OR2L13: variants seen among roughly 807,000 people sequenced by gnomAD.
OR2L13 encodes olfactory receptor 2L13.
A neutral mutation model predicts 15.3 loss-of-function variants in OR2L13; 14 were observed. The observed-to-expected ratio is 0.91, with a 90% CI of 0.60 to 1.43. OR2L13 has a LOEUF of 1.43. Ranked by LOEUF, OR2L13 falls within the 40% of genes most tolerant of loss-of-function variation. The pLI is 0.00. For synonymous variants in OR2L13, 152 were observed against 142.9 expected (o/e 1.06, Z -0.45); for missense variants, 367 against 387.9 (o/e 0.95, Z 0.45).
chr1:247,944,668 A>T, the OR2L13 span, among the ~76,000 whole-genome samples: 17 of 152,178 alleles, frequency 1.1e-4, no homozygotes, highest in Non-Finnish European at 2.1e-4. Context: ...ATAGTATTCC[A>T]TGGTGTATAC....
At chr1:248,006,998 G>T in the OR2L13 span, among the ~76,000 whole-genome samples, 1 of 152,100 alleles carries the variant, frequency 6.6e-6, no homozygotes, top group African/African-American at 2.4e-5. Context: ...TACTGTTTTT[G>T]TTATTTATTA....
At chr1:247,988,426 C>T in the OR2L13 span, among the ~76,000 whole-genome samples, 2 of 152,046 alleles carry the variant, frequency 1.3e-5, no homozygotes, top group African/African-American at 4.8e-5. Context: ...TTGTGGATTT[C>T]ATAACATATC....
the OR2L13 span, chr1:248,004,056 C>G: frequency 1.2e-6 from 2 of 1,609,018 alleles, no homozygotes; most frequent in Admixed American, 3.4e-5. Flanking sequence ...AGAATCTGCT[C>G]TGTGAAAATG....
chr1:247,956,870 T>C, the OR2L13 span, among the ~76,000 whole-genome samples: 1 of 152,194 alleles, frequency 6.6e-6, no homozygotes, highest in Non-Finnish European at 1.5e-5. Context: ...TTTCTAGATA[T>C]ACAATCATGT....
the OR2L13 span, among the ~76,000 whole-genome samples, chr1:247,985,679 C>G: frequency 2.0e-5 from 3 of 152,142 alleles, no homozygotes; most frequent in Non-Finnish European, 2.9e-5. Flanking sequence ...CCTGAGGAAT[C>G]GCCACACTGA....
chr1:247,980,216 C>T, the OR2L13 span, among the ~76,000 whole-genome samples: 1 of 152,030 alleles, frequency 6.6e-6, no homozygotes, highest in Non-Finnish European at 1.5e-5. Flanking sequence ...TCATTTTTAT[C>T]ATCAATTTTA....
chr1:248,092,521 C>T (rs114618741), upstream of OR2L13, among the ~76,000 whole-genome samples: 1,672 of 152,236 alleles, frequency 0.011, 27 homozygotes, highest in African/African-American at 0.037. Flanking sequence ...ATCTATTTCA[C>T]ATCTGTGGAC....
chr1:248,090,473 T>TTCCCGTCTGTGTGTCCATC (rs1558219421), upstream of OR2L13, among the ~76,000 whole-genome samples: 1 of 151,778 alleles, frequency 6.6e-6, no homozygotes, highest in African/African-American at 2.4e-5. Context: ...CGGTGTCTGT[T>TTCCCGTCTGTGTGTCCATC]GTTCCTGTCT....
At chr1:248,031,436 G>A in the OR2L13 span, among the ~76,000 whole-genome samples, 2 of 152,228 alleles carry the variant, frequency 1.3e-5, no homozygotes, top group Non-Finnish European at 2.9e-5. Flanking sequence ...TTAGCTGAGG[G>A]GAAGCAGGAC....
the OR2L13 span, chr1:248,022,831 A>T: frequency 1.2e-6 from 2 of 1,613,440 alleles, no homozygotes; most frequent in African/African-American, 2.7e-5. Flanking sequence ...AGAAACAAGG[A>T]GGTGATGGGG....
At chr1:247,958,276 G>T in the OR2L13 span, among the ~76,000 whole-genome samples, 3 of 152,142 alleles carry the variant, frequency 2.0e-5, no homozygotes, top group Middle Eastern at 3.4e-3. Flanking sequence ...TAACCCCAAG[G>T]TCTAGTTTGA....
chr1:248,079,556 G>A, the OR2L13 span, among the ~76,000 whole-genome samples: 1 of 152,050 alleles, frequency 6.6e-6, no homozygotes, highest in Non-Finnish European at 1.5e-5. Context: ...ATATCAAAAC[G>A]TTTTATAAGG....
At chr1:248,039,272 G>T in the OR2L13 span, 1 of 1,429,072 alleles carries the variant, frequency 7.0e-7, no homozygotes, top group Non-Finnish European at 9.5e-7. Context: ...CAGCAGTGAA[G>T]AAAAACATTA....
the OR2L13 span, among the ~76,000 whole-genome samples, chr1:247,956,461 T>G: frequency 3.3e-3 from 503 of 151,074 alleles, 1 homozygote; most frequent in African/African-American, 0.011. Context: ...TTTAAAGTAG[T>G]TTTTTCCAAT....
At chr1:247,975,452 T>C in the OR2L13 span, 1 of 756,184 alleles carries the variant, frequency 1.3e-6, no homozygotes, top group Non-Finnish European at 2.4e-6. Context: ...AGCACCCACC[T>C]CACTGTAGTA....
At chr1:248,067,141 G>T in the OR2L13 span, among the ~76,000 whole-genome samples, 5 of 152,210 alleles carry the variant, frequency 3.3e-5, no homozygotes, top group African/African-American at 4.8e-5. Context: ...CATAAGTTTT[G>T]AATGGTTTAT....
upstream of OR2L13, among the ~76,000 whole-genome samples, chr1:248,092,007 C>G (rs1189546787): frequency 1.3e-5 from 2 of 151,920 alleles, no homozygotes; most frequent in Non-Finnish European, 2.9e-5. Context: ...GATCTTTCAC[C>G]ACCGTCATTA....
the OR2L13 span, among the ~76,000 whole-genome samples, chr1:248,019,065 T>C: frequency 6.6e-6 from 1 of 152,176 alleles, no homozygotes; most frequent in Non-Finnish European, 1.5e-5. Context: ...TGTTTCTGCC[T>C]TTGGGGTATT....
chr1:248,058,274 A>G, the OR2L13 span, among the ~76,000 whole-genome samples: 1 of 152,120 alleles, frequency 6.6e-6, no homozygotes, highest in Non-Finnish European at 1.5e-5. Flanking sequence ...TTGTCCATGT[A>G]TTTTCAGACA....
Sources: allele counts gnomAD v4.1 joint callset (sites outside exome capture counted in the v4.1 genomes callset), GRCh38; gene constraint gnomAD v4.1.1; transcripts MANE v1.5; gene names NCBI Gene and HGNC (gene_info 2026-07-23, HGNC 2026-07-21).